Variants in AMBRA1 observed in about 807,000 individuals in gnomAD.
AMBRA1 encodes the protein autophagy and beclin 1 regulator 1, also known as activating molecule in BECN1-regulated autophagy protein 1.
Under a neutral mutation model 125.4 loss-of-function variants are expected in AMBRA1, and 47 were observed. That is an observed-to-expected ratio of 0.37 (90% confidence interval 0.30 to 0.48). The LOEUF is 0.48. AMBRA1 is among the 20% of genes least tolerant of loss of function. The probability of loss-of-function intolerance (pLI) is 0.99; values close to 1 mark genes in which losing one functional copy is unlikely to be tolerated. For missense variants in AMBRA1, 1,331 were observed against 1,693.4 expected (o/e 0.79, Z 3.76); for synonymous variants, 626 against 655.5 (o/e 0.95, Z 0.69).
chr11:46,485,128 G>A (rs981621378), intron 11 of AMBRA1, among the ~76,000 whole-genome samples: 1 of 152,088 alleles, frequency 6.6e-6, no homozygotes, highest in Non-Finnish European at 1.5e-5. Context: ...AGTAGAGACA[G>A]GGTTTCACCA....
At chr11:46,568,256 A>C in intron 1 of AMBRA1, among the ~76,000 whole-genome samples, 1 of 151,376 alleles carries the variant, frequency 6.6e-6, no homozygotes, top group South Asian at 2.1e-4. Context: ...TCAAGAGTGC[A>C]AGACCAGCCT....
At chr11:46,495,028 A>G (rs1231479619) in intron 9 of AMBRA1, 1 of 152,256 alleles carries the variant, frequency 6.6e-6, no homozygotes, top group South Asian at 2.1e-4. Context: ...TCACATAACT[A>G]GTAAGTGGTT....
intron 11 of AMBRA1, among the ~76,000 whole-genome samples, chr11:46,463,683 C>A (rs1420179372): frequency 6.6e-6 from 1 of 152,200 alleles, no homozygotes; most frequent in Admixed American, 6.5e-5. Flanking sequence ...TCCTAAAAAT[C>A]TTTTGTCTGA....
At chr11:46,421,593 G>A (rs1946852363) in intron 14 of AMBRA1, among the ~76,000 whole-genome samples, 1 of 152,172 alleles carries the variant, frequency 6.6e-6, no homozygotes. Context: ...ATGGACACTT[G>A]AACAATGAGA....
chr11:46,521,321 C>A (rs916165126), intron 7 of AMBRA1, among the ~76,000 whole-genome samples: 2 of 152,260 alleles, frequency 1.3e-5, no homozygotes, highest in African/African-American at 4.8e-5. Context: ...CTGGGAGGCT[C>A]ATTAAATCAA....
intron 17 of AMBRA1, among the ~76,000 whole-genome samples, chr11:46,398,679 T>C (rs969133821): frequency 6.6e-6 from 1 of 152,118 alleles, no homozygotes; most frequent in Non-Finnish European, 1.5e-5. Context: ...GGTTTCACCA[T>C]GTTAACCAGG....
At chr11:46,475,748 TGGATACGAGAATCCC>T (rs1949788337) in intron 11 of AMBRA1, among the ~76,000 whole-genome samples, 1 of 152,258 alleles carries the variant, frequency 6.6e-6, no homozygotes, top group South Asian at 2.1e-4. Flanking sequence ...CACTTTGCTC[TGGATACGAGAATCCC>T]GTAATTTCTT....
At chr11:46,408,986 C>A in intron 16 of AMBRA1, among the ~76,000 whole-genome samples, 1 of 152,198 alleles carries the variant, frequency 6.6e-6, no homozygotes, top group Non-Finnish European at 1.5e-5. Context: ...AGGCCCCTGT[C>A]GGGGAGTGGG....
intron 1 of AMBRA1, among the ~76,000 whole-genome samples, chr11:46,579,045 T>TAAAAAAAAAAAAA (rs11393945): frequency 1.5e-5 from 1 of 68,028 alleles, no homozygotes; most frequent in African/African-American, 5.4e-5. Flanking sequence ...AAGAAAGCAA[T>TAAAAAAAAAAAAA]AAAAAAAAAA....
chr11:46,513,314 T>C (rs561604615), intron 7 of AMBRA1, among the ~76,000 whole-genome samples: 1 of 149,502 alleles, frequency 6.7e-6, no homozygotes, highest in South Asian at 2.1e-4. Flanking sequence ...GATATATAAC[T>C]ATAATATATC....
intron 15 of AMBRA1, among the ~76,000 whole-genome samples, chr11:46,416,663 G>A (rs142715609): frequency 5.1e-4 from 78 of 152,294 alleles, no homozygotes; most frequent in African/African-American, 1.7e-3. Flanking sequence ...GGACACTTCC[G>A]ATAACCAGAG....
intron 1 of AMBRA1, among the ~76,000 whole-genome samples, chr11:46,550,930 CA>C (rs1159824681): frequency 0.049 from 3,172 of 64,848 alleles, 48 homozygotes; most frequent in African/African-American, 0.08. Flanking sequence ...ACTAAAAATA[CA>C]AAAAAAAAAA....
At chr11:46,543,467 A>G in intron 6 of AMBRA1, 69 bp from the exon 7 acceptor site, 3 of 1,557,368 alleles carry the variant, frequency 1.9e-6, no homozygotes, top group Non-Finnish European at 2.6e-6. Context: ...AAGTAAATCA[A>G]GAAAAACTAA....
chr11:46,487,970 A>G (rs565283803), intron 11 of AMBRA1, among the ~76,000 whole-genome samples: 16 of 152,316 alleles, frequency 1.1e-4, no homozygotes, highest in African/African-American at 3.6e-4. Context: ...ATGGAAAATG[A>G]TATCTCATGT....
intron 1 of AMBRA1, among the ~76,000 whole-genome samples, chr11:46,565,257 TA>T (rs554319934): frequency 2.1e-5 from 3 of 143,376 alleles, no homozygotes; most frequent in Non-Finnish European, 3.1e-5. Context: ...AAATTCCCTC[TA>T]AAAAAAAAAC....
intron 12 of AMBRA1, among the ~76,000 whole-genome samples, chr11:46,439,370 CAG>C (rs1180347979): frequency 6.6e-6 from 1 of 151,704 alleles, no homozygotes; most frequent in African/African-American, 2.4e-5. Context: ...TAGAACAGAA[CAG>C]AGAGTCCAGA....
intron 1 of AMBRA1, among the ~76,000 whole-genome samples, chr11:46,567,469 C>G (rs2043574453): frequency 6.6e-6 from 1 of 152,160 alleles, no homozygotes; most frequent in Non-Finnish European, 1.5e-5. Context: ...CGAGTTCAAG[C>G]AGTCCTCTGG....
At chr11:46,593,181 T>C (rs904662502) in intron 1 of AMBRA1, among the ~76,000 whole-genome samples, 1 of 152,076 alleles carries the variant, frequency 6.6e-6, no homozygotes, top group East Asian at 1.9e-4. Context: ...CCTAGGAAAA[T>C]TGGGATCACA....
At chr11:46,474,762 C>T (rs189908445) in intron 11 of AMBRA1, among the ~76,000 whole-genome samples, 1 of 152,246 alleles carries the variant, frequency 6.6e-6, no homozygotes, top group East Asian at 1.9e-4. Context: ...GATTAGTACT[C>T]ATTCTGGATT....
Sources: allele counts gnomAD v4.1 joint callset (sites outside exome capture counted in the v4.1 genomes callset), GRCh38; gene constraint gnomAD v4.1.1; transcripts MANE v1.5; gene names NCBI Gene and HGNC (gene_info 2026-07-23, HGNC 2026-07-21).